The following ARID2 variants were observed in gnomAD, a reference collection of about 807,000 sequenced individuals.
ARID2 encodes the protein AT-rich interactive domain-containing protein 2.
A neutral mutation model predicts 184.6 loss-of-function variants in ARID2; 32 were observed. The observed-to-expected ratio is 0.17, with a 90% CI of 0.13 to 0.23. ARID2 has a LOEUF of 0.23. Among genes scored for constraint, ARID2 ranks in the 10% least tolerant of loss-of-function variants. The probability of loss-of-function intolerance (pLI) is 1.00; values close to 1 mark genes in which losing one functional copy is unlikely to be tolerated. For synonymous variants in ARID2, 836 were observed against 772.6 expected, an observed-to-expected ratio of 1.08 and a Z score of -1.36; for missense variants, 1,696 against 2,197.6, an observed-to-expected ratio of 0.77 and a Z score of 4.56.
Position 45,740,364 on chromosome 12 carries a change from A to G in ARID2, c.284+9050A>G, listed in dbSNP as rs974521763. The stretch of plus-strand genomic sequence containing the variant: ...TACACTTCCTGTAGATCAACCAATT[A>G]ATTGTTTTGCCACATTTGGTTTACA... On this transcript the variant is annotated intron_variant, in intron 3 of 20. Coordinates refer to ENST00000334344, the MANE Select transcript of ARID2 (RefSeq NM_152641.4). Among the ~76,000 whole-genome samples, 33 of 152,022 alleles carry G rather than the reference A, an allele frequency of 2.2e-4. No individual in the cohort carries two copies. The East Asian group carries it at 2.5e-3, about 12-fold the overall frequency.
At chr12:45,769,976 C>T (rs367667999) in intron 3 of ARID2, among the ~76,000 whole-genome samples, 35 of 152,058 alleles carry the variant, frequency 2.3e-4, no homozygotes, top group South Asian at 4.1e-4. Context: ...AAGGCAAGGC[C>T]GGGCGCGGTG....
intron 6 of ARID2, among the ~76,000 whole-genome samples, chr12:45,828,022 A>G (rs193267280): frequency 7.4e-4 from 113 of 152,216 alleles, no homozygotes; most frequent in African/African-American, 2.6e-3. Context: ...AGTACTTTTT[A>G]AATTATAACA....
At chr12:45,819,594 G>A (rs1401703251) in intron 5 of ARID2, among the ~76,000 whole-genome samples, 1 of 152,086 alleles carries the variant, frequency 6.6e-6, no homozygotes, top group African/African-American at 2.4e-5. Context: ...ACTTCTTTTA[G>A]AAAGTAGAAT....
At chr12:45,903,584 C>T (rs1460050169) in intron 20 of ARID2, among the ~76,000 whole-genome samples, 1 of 152,128 alleles carries the variant, frequency 6.6e-6, no homozygotes, top group Non-Finnish European at 1.5e-5. Context: ...GCCCAAAAAA[C>T]ATGAAAAGAT....
chr12:45,852,364 G>T lies in ARID2; in HGVS notation c.4241G>T (p.Arg1414Ile), dbSNP rs146518146. The change falls in exon 15 of 21, where the codon AGA becomes ATA. Residue 1414 changes from arginine to isoleucine, a missense_variant. Around this residue, in one of 11 missense-constraint regions of ARID2, gnomAD observed 428 missense variants for 409.1 expected, o/e 1.05. Transcript: ENST00000334344. ...QDTAKGDQLE[R>I]ISNGPVLTLG... ...ACTGCCAAAGGTGATCAACTAGAAA[G>T]AATTTCTAATGGACCTGTATTAACT... 78 of 1,614,148 alleles carry T rather than the reference G, an allele frequency of 4.8e-5. No individual in the cohort carries two copies. The African/African-American group carries it at 8.4e-4, about 17-fold the overall frequency.
At chr12:45,731,173 C>G (rs1592040684) in intron 2 of ARID2, 44 bp from the exon 3 acceptor site, 5 of 1,389,144 alleles carry the variant, frequency 3.6e-6, no homozygotes, top group East Asian at 2.3e-5. Flanking sequence ...TTAAGATTTT[C>G]TTAGATTGTT....
rs74927742 is a variant in ARID2 at position 45,824,540 on chromosome 12, A to C, written c.705+3053A>C. On this transcript the variant is annotated intron_variant, in intron 6 of 20. Coordinates refer to ENST00000334344, the MANE Select transcript of ARID2 (RefSeq NM_152641.4). Reference sequence around the variant, plus strand: ...TATGAAAAATTGCTCAACATCACTAATCATCAGGAAAATGTAAATGAGAAC... The same window carrying C: ...TATGAAAAATTGCTCAACATCACTACTCATCAGGAAAATGTAAATGAGAAC... Among the ~76,000 whole-genome samples the C allele has an allele frequency of 6.1e-3, 926 of 152,120 alleles. 16 individuals carry two copies. The highest frequency in any genetic ancestry group is 0.021 in the African/African-American group (863 of 41,526).
At chr12:45,790,936 G>A (rs765804456) in intron 3 of ARID2, among the ~76,000 whole-genome samples, 1 of 151,832 alleles carries the variant, frequency 6.6e-6, no homozygotes, top group South Asian at 2.1e-4. Context: ...CTATTTATTC[G>A]TCAGTGGACG....
At chr12:45,861,497 A>G (rs977618805) in intron 16 of ARID2, among the ~76,000 whole-genome samples, 3 of 152,132 alleles carry the variant, frequency 2.0e-5, no homozygotes. Context: ...GTTAAAATAA[A>G]AATCTTAATT....
intron 6 of ARID2, among the ~76,000 whole-genome samples, chr12:45,826,276 T>A (rs1237685569): frequency 1.3e-5 from 2 of 152,132 alleles, no homozygotes. Flanking sequence ...TTTCAACAAA[T>A]AGGAACCTAT....
At chr12:45,765,452 C>T (rs1941754820) in intron 3 of ARID2, among the ~76,000 whole-genome samples, 1 of 151,608 alleles carries the variant, frequency 6.6e-6, no homozygotes, top group South Asian at 2.1e-4. Context: ...CTCAAGTGAT[C>T]CTCCTGCCTT....
intron 3 of ARID2, among the ~76,000 whole-genome samples, chr12:45,800,676 G>A (rs1315248965): frequency 6.6e-6 from 1 of 151,948 alleles, no homozygotes; most frequent in Non-Finnish European, 1.5e-5. Context: ...GGGAGAAAGA[G>A]GGATTCTAGG....
chr12:45,730,823 C>G (rs1478094755), intron 2 of ARID2, among the ~76,000 whole-genome samples: 1 of 151,502 alleles, frequency 6.6e-6, no homozygotes, highest in African/African-American at 2.4e-5. Context: ...CCCCGGCCCC[C>G]CCCCCAACCC....
At chr12:45,783,559 AG>A (rs1352382748) in intron 3 of ARID2, among the ~76,000 whole-genome samples, 1 of 152,360 alleles carries the variant, frequency 6.6e-6, no homozygotes, top group African/African-American at 2.4e-5. Flanking sequence ...GGATGGTTTC[AG>A]GATGATATTA....
chr12:45,778,650 G>T lies in ARID2; in HGVS notation c.285-32768G>T, dbSNP rs113990586. On this transcript the variant is annotated intron_variant, in intron 3 of 20. Transcript: ENST00000334344. ...GTTAGTAAGAAAATCAGTGTTTTCAGAGTTTCTACTTAATTTTTATTTAAA... is the reference window on the plus strand; with the variant it reads ...GTTAGTAAGAAAATCAGTGTTTTCATAGTTTCTACTTAATTTTTATTTAAA... Among the ~76,000 whole-genome samples, 162 of 152,128 alleles carry T rather than the reference G, an allele frequency of 1.1e-3. 1 individual carries two copies. The highest frequency in any genetic ancestry group is 3.7e-3 in the African/African-American group (155 of 41,552).
chr12:45,886,576 G>T (rs776859343), intron 16 of ARID2, among the ~76,000 whole-genome samples: 4 of 152,208 alleles, frequency 2.6e-5, no homozygotes, highest in Non-Finnish European at 4.4e-5. Flanking sequence ...CTCCATGAGG[G>T]TTCTGCCCCT....
At chr12:45,879,126 A>G (rs767287825) in intron 16 of ARID2, among the ~76,000 whole-genome samples, 1 of 152,170 alleles carries the variant, frequency 6.6e-6, no homozygotes. Context: ...CTATAATCTT[A>G]TGATTAAATC....
rs2138167578 is a variant in ARID2, at chr12:45,851,070, C to A, written c.2947C>A (p.Gln983Lys). The A allele has an allele frequency of 6.2e-7, 1 of 1,614,114 alleles. No homozygotes were observed. The change falls in exon 15 of 21, where the codon CAA (glutamine) becomes AAA (lysine). Residue 983 changes from glutamine to lysine, a missense_variant. Coordinates refer to ENST00000334344, the MANE Select transcript of ARID2 (RefSeq NM_152641.4). ...ATCACCTGTCCCAGCTACTAATAAC[C>A]AAGTCCCTACTGCCATGTCGTCGTC... ...SPSPVPATNN[Q>K]VPTAMSSSST...
chr12:45,842,858 A>G (rs1288140259), intron 11 of ARID2, among the ~76,000 whole-genome samples: 1 of 152,170 alleles, frequency 6.6e-6, no homozygotes, highest in Admixed American at 6.5e-5. Context: ...TTAATTCAGT[A>G]TATCTCTCAA....
Sources: allele counts gnomAD v4.1 joint callset (sites outside exome capture counted in the v4.1 genomes callset), GRCh38; gene constraint gnomAD v4.1.1; regional missense constraint gnomAD v4.1.1; transcripts MANE v1.5; gene names NCBI Gene and HGNC (gene_info 2026-07-23, HGNC 2026-07-21).